Variants in FBXO7 observed in about 807,000 individuals in gnomAD.
FBXO7 encodes F-box protein 7, also known as F-box only protein 7.
Under a neutral mutation model 50.2 loss-of-function variants are expected in FBXO7, and 31 were observed. The ratio of observed to expected loss-of-function variants is 0.62; its 90% CI spans 0.46 to 0.83. The LOEUF (loss-of-function observed/expected upper bound fraction) is 0.83. FBXO7 is among the 40% of genes least tolerant of loss of function. FBXO7 has a pLI of 0.00. For synonymous variants in FBXO7, 256 were observed against 253.1 expected (o/e 1.01, Z -0.11); for missense variants, 667 against 646.6 (o/e 1.03, Z -0.34).
chr22:32,498,817 A>G lies in FBXO7; in HGVS notation c.*287A>G, dbSNP rs935856379. 8.8e-6 allele frequency: 4 copies of G among 453,058 alleles called. No individual in the cohort carries two copies. The highest frequency in any genetic ancestry group is 1.6e-5 in the Non-Finnish European group (4 of 252,880). 28.1% of individuals were successfully genotyped at this position (453,058 alleles called of 1,614,324 possible). A position where few individuals can be genotyped will look rare whatever the true frequency, so the allele number is the denominator to read the frequency against. The stretch of plus-strand genomic sequence containing the variant: ...GATGCTGTTCTTACCAGATTAAAAA[A>G]AAGTGTAAATTACATGGTGGTCTTG... On this transcript the variant is annotated 3_prime_UTR_variant, in exon 9 of 9. Coordinates refer to ENST00000266087, the MANE Select transcript of FBXO7 (RefSeq NM_012179.4).
At position 32,498,685 on chromosome 22, in the gene FBXO7, A is replaced by G; in HGVS notation, c.*155A>G. 1.1e-6 allele frequency: 1 copy of G among 912,668 alleles called. No homozygotes were observed. The highest frequency in any genetic ancestry group is 2.6e-5 in the East Asian group (1 of 37,846). The allele number at this position is 912,668 out of a possible 1,614,324, so 56.5% of individuals were successfully genotyped here. A position where few individuals can be genotyped will look rare whatever the true frequency, so the allele number is the denominator to read the frequency against. ...TTTTAAGAGATACATTTATAGCCCT[A>G]GGGGTGGTATGACCCAAAGGTTCCT... On this transcript the variant is annotated 3_prime_UTR_variant, in exon 9 of 9. Transcript: ENST00000266087.
chr22:32,493,813 A>G (rs2057554380), intron 7 of FBXO7, among the ~76,000 whole-genome samples: 1 of 152,122 alleles, frequency 6.6e-6, no homozygotes, highest in African/African-American at 2.4e-5. Context: ...TTTACTACAT[A>G]TTAGTGTTTT....
chr22:32,483,589 T>C (rs1356250834), intron 2 of FBXO7, among the ~76,000 whole-genome samples: 4 of 152,120 alleles, frequency 2.6e-5, no homozygotes, highest in African/African-American at 9.7e-5. Context: ...TTTAGACATA[T>C]TTAGGAGTTA....
In FBXO7 at chr22:32,479,217, C is replaced by T. The variant is rs1413297993; in HGVS notation, c.359C>T (p.Pro120Leu). ...SNQTSMQDEQ[P>L]SDSFQGQAAQ... ...CAGACTAGCATGCAGGATGAACAAC[C>T]AAGTGATTCATTCCAAGGACAGGCA... The change falls in exon 2 of 9, where the codon CCA (proline) becomes CTA (leucine). Residue 120 changes from proline (P) to leucine (L), a missense_variant. Transcript: ENST00000266087. 2 of 1,614,054 alleles carry T rather than the reference C, an allele frequency of 1.2e-6. No homozygotes were observed. The highest frequency in any genetic ancestry group is 1.7e-6 in the Non-Finnish European group (2 of 1,180,014).
chr22:32,477,514 T>G (rs2057436730), intron 1 of FBXO7, among the ~76,000 whole-genome samples: 1 of 152,214 alleles, frequency 6.6e-6, no homozygotes, highest in Non-Finnish European at 1.5e-5. Flanking sequence ...GCTTCCGGGC[T>G]TATTTGAATT....
At chr22:32,478,605 A>G (rs898127925) in intron 1 of FBXO7, among the ~76,000 whole-genome samples, 12 of 152,192 alleles carry the variant, frequency 7.9e-5, no homozygotes, top group African/African-American at 2.9e-4. Flanking sequence ...CTATAGTCCT[A>G]GCTCCTCTGG....
rs971655302 is a variant in FBXO7, at chr22:32,487,880, A to T, written c.871+52A>T. The T allele has an allele frequency of 4.4e-6, 5 of 1,137,732 alleles. No homozygotes were observed. The Middle Eastern group carries it at 7.8e-4, about 178-fold the overall frequency. The allele number at this position is 1,137,732 out of a possible 1,614,324, so 70.5% of individuals were successfully genotyped here. A position where few individuals can be genotyped will look rare whatever the true frequency, so the allele number is the denominator to read the frequency against. ...GGGTGAAACTCTGTGAAATTCATAT[A>T]AGAAAAAAATCTGAAAGATAATGTT... On this transcript the variant is annotated intron_variant, in intron 5 of 8. Transcript: ENST00000266087.
At chr22:32,486,529 T>C (rs2057499854) in intron 4 of FBXO7, among the ~76,000 whole-genome samples, 1 of 152,076 alleles carries the variant, frequency 6.6e-6, no homozygotes, top group Non-Finnish European at 1.5e-5. Context: ...AGAGATGAAG[T>C]GTCACTGTGT....
chr22:32,491,253 G>A, intron 6 of FBXO7, 72 bp downstream of exon 6: 1 of 1,132,754 alleles, frequency 8.8e-7, no homozygotes, highest in Non-Finnish European at 1.3e-6. Context: ...TTCTTGGTGA[G>A]TATGACATCT....
chr22:32,480,114 A>C (rs1424438318), intron 2 of FBXO7, among the ~76,000 whole-genome samples: 1 of 152,070 alleles, frequency 6.6e-6, no homozygotes, highest in African/African-American at 2.4e-5. Flanking sequence ...TTCGGGTTCC[A>C]TGGCTTTATT....
intron 1 of FBXO7, 123 bp downstream of exon 1, chr22:32,475,247 G>T (rs2057418979): frequency 6.5e-7 from 1 of 1,538,868 alleles, no homozygotes. Context: ...GGCCAAGTGC[G>T]GGGACGCCGG....
At chr22:32,481,870 TGTG>T (rs1036475264) in intron 2 of FBXO7, among the ~76,000 whole-genome samples, 29 of 112,514 alleles carry the variant, frequency 2.6e-4, no homozygotes, top group African/African-American at 8.1e-4. Flanking sequence ...TTTAGAGAGG[TGTG>T]GTGCTCACCT....
At chr22:32,481,212 T>C (rs2145990561) in intron 2 of FBXO7, among the ~76,000 whole-genome samples, 1 of 152,286 alleles carries the variant, frequency 6.6e-6, no homozygotes, top group African/African-American at 2.4e-5. Flanking sequence ...ATATGTGGAT[T>C]TTAATTTATT....
At chr22:32,489,423 A>G (rs536497961) in intron 5 of FBXO7, 3 of 152,334 alleles carry the variant, frequency 2.0e-5, no homozygotes, top group Non-Finnish European at 2.9e-5. Flanking sequence ...ACGACACTCC[A>G]TATTTATCAC....
intron 7 of FBXO7, among the ~76,000 whole-genome samples, chr22:32,493,580 G>A (rs544109936): frequency 1.3e-5 from 2 of 152,302 alleles, no homozygotes; most frequent in Non-Finnish European, 2.9e-5. Flanking sequence ...ACGTAGAAAC[G>A]AGCTGGCATT....
chr22:32,483,559 T>C (rs1162286046), intron 2 of FBXO7, among the ~76,000 whole-genome samples: 1 of 152,208 alleles, frequency 6.6e-6, no homozygotes, highest in Non-Finnish European at 1.5e-5. Context: ...GAAGTGCCAA[T>C]AGAGCAGGAA....
chr22:32,487,685 A>T lies in FBXO7; in HGVS notation c.788-60A>T, dbSNP rs1036265467. ...TAGGAAATGCAAGCCCATACTAAAAAAGAAAGGCAGTTGATGAAGTGACAG... is the reference window on the plus strand; with the variant it reads ...TAGGAAATGCAAGCCCATACTAAAATAGAAAGGCAGTTGATGAAGTGACAG... On this transcript the variant is annotated intron_variant, in intron 4 of 8. Transcript: ENST00000266087. 3.6e-6 allele frequency: 4 copies of T among 1,099,884 alleles called. No individual in the cohort carries two copies. The Admixed American group carries it at 5.4e-5, about 15-fold the overall frequency. The allele number at this position is 1,099,884 out of a possible 1,614,324, so 68.1% of individuals were successfully genotyped here. A position where few individuals can be genotyped will look rare whatever the true frequency, so the allele number is the denominator to read the frequency against.
intron 1 of FBXO7, among the ~76,000 whole-genome samples, chr22:32,478,541 T>G (rs924012835): frequency 2.6e-5 from 4 of 152,188 alleles, no homozygotes; most frequent in African/African-American, 9.6e-5. Flanking sequence ...CATTCATTGA[T>G]AAATACTTTT....
chr22:32,475,665 ATTCTGTTGTG>A, intron 1 of FBXO7: 1 of 479,458 alleles, frequency 2.1e-6, no homozygotes, highest in East Asian at 3.9e-5. Flanking sequence ...ACAATTTTAG[ATTCTGTTGTG>A]TTCATGCGCC....
Sources: allele counts gnomAD v4.1 joint callset (sites outside exome capture counted in the v4.1 genomes callset), GRCh38; gene constraint gnomAD v4.1.1; transcripts MANE v1.5; gene names NCBI Gene and HGNC (gene_info 2026-07-23, HGNC 2026-07-21).